LOC128125817: variants seen among roughly 807,000 people sequenced by gnomAD.
At chr1:41,591,311 C>T in the LOC128125817 span, among the ~76,000 whole-genome samples, 1 of 152,132 alleles carries the variant, frequency 6.6e-6, no homozygotes, top group Non-Finnish European at 1.5e-5. Context: ...CAGTGTCACA[C>T]TGACCCACCA....
the LOC128125817 span, chr1:41,585,411 C>T: frequency 1.3e-5 from 5 of 398,430 alleles, no homozygotes; most frequent in African/African-American, 1.0e-4. Flanking sequence ...GCAGCCCAGA[C>T]TCGGTGCCAC....
chr1:41,605,342 T>A, the LOC128125817 span, among the ~76,000 whole-genome samples: 1 of 148,658 alleles, frequency 6.7e-6, no homozygotes, highest in African/African-American at 2.5e-5. Context: ...CTTGATGTGG[T>A]TACATAGATA....
chr1:41,611,748 C>G, the LOC128125817 span, among the ~76,000 whole-genome samples: 3 of 152,216 alleles, frequency 2.0e-5, no homozygotes, highest in Non-Finnish European at 4.4e-5. Context: ...TCCTGGGCAA[C>G]CAGGCAAGTC....
chr1:41,593,234 G>A, the LOC128125817 span, among the ~76,000 whole-genome samples: 1 of 152,112 alleles, frequency 6.6e-6, no homozygotes, highest in African/African-American at 2.4e-5. Flanking sequence ...GTCCCCACAT[G>A]CCCCTCCCCA....
chr1:41,615,361 G>T, the LOC128125817 span, among the ~76,000 whole-genome samples: 2 of 152,234 alleles, frequency 1.3e-5, no homozygotes, highest in African/African-American at 4.8e-5. Flanking sequence ...ATGCACTGGG[G>T]CTGCCCCCCA....
the LOC128125817 span, among the ~76,000 whole-genome samples, chr1:41,589,403 G>A: frequency 1.3e-5 from 2 of 152,248 alleles, no homozygotes; most frequent in African/African-American, 2.4e-5. Flanking sequence ...CAATAGGAAG[G>A]AGATCGGGAC....
chr1:41,599,756 T>C, the LOC128125817 span, among the ~76,000 whole-genome samples: 1 of 152,182 alleles, frequency 6.6e-6, no homozygotes, highest in Non-Finnish European at 1.5e-5. Context: ...TAAAATCTTC[T>C]ATGCGTGAAA....
At chr1:41,611,689 T>C in the LOC128125817 span, among the ~76,000 whole-genome samples, 3,622 of 152,324 alleles carry the variant, frequency 0.024, 143 homozygotes, top group African/African-American at 0.083. Context: ...AAAACTCGAA[T>C]GTTGTTCAGG....
At chr1:41,627,479 C>A in the LOC128125817 span, among the ~76,000 whole-genome samples, 1 of 152,108 alleles carries the variant, frequency 6.6e-6, no homozygotes. Flanking sequence ...GGGAACGATT[C>A]CTTTACCTCC....
At chr1:41,616,612 T>G in the LOC128125817 span, among the ~76,000 whole-genome samples, 1 of 133,528 alleles carries the variant, frequency 7.5e-6, no homozygotes, top group Non-Finnish European at 1.6e-5. Context: ...GTGGGGAAGA[T>G]GGGGAGCCTT....
the LOC128125817 span, among the ~76,000 whole-genome samples, chr1:41,616,142 T>C: frequency 6.6e-6 from 1 of 152,076 alleles, no homozygotes; most frequent in East Asian, 1.9e-4. Flanking sequence ...AGCATCATTG[T>C]ACCTGACCAA....
the LOC128125817 span, among the ~76,000 whole-genome samples, chr1:41,603,271 T>C: frequency 6.6e-6 from 1 of 152,158 alleles, no homozygotes; most frequent in Non-Finnish European, 1.5e-5. Context: ...TTTCACCATG[T>C]TGGCCAGGCT....
chr1:41,589,845 C>T, the LOC128125817 span, among the ~76,000 whole-genome samples: 1 of 152,146 alleles, frequency 6.6e-6, no homozygotes, highest in African/African-American at 2.4e-5. Flanking sequence ...TCCCAACATG[C>T]CAAAATCTGG....
chr1:41,625,896 CTG>C, the LOC128125817 span, among the ~76,000 whole-genome samples: 1 of 152,042 alleles, frequency 6.6e-6, no homozygotes, highest in Non-Finnish European at 1.5e-5. Context: ...TCATTTTAAC[CTG>C]TTTTATATAT....
the LOC128125817 span, among the ~76,000 whole-genome samples, chr1:41,599,074 C>T: frequency 6.6e-6 from 1 of 152,140 alleles, no homozygotes; most frequent in Non-Finnish European, 1.5e-5. Context: ...ACCTTGGCCT[C>T]CCAAAGTGTT....
chr1:41,625,074 A>T, the LOC128125817 span, among the ~76,000 whole-genome samples: 1 of 149,012 alleles, frequency 6.7e-6, no homozygotes, highest in Non-Finnish European at 1.5e-5. Context: ...GAGGCAGGAA[A>T]ATAGCTTGAA....
chr1:41,585,359 C>T, the LOC128125817 span: 1 of 398,886 alleles, frequency 2.5e-6, no homozygotes, highest in Non-Finnish European at 4.4e-6. Context: ...TACACACACA[C>T]AAAAGAGAAG....
At chr1:41,605,373 G>GCA in the LOC128125817 span, among the ~76,000 whole-genome samples, 2,151 of 106,756 alleles carry the variant, frequency 0.02, 42 homozygotes, top group African/African-American at 0.077. Flanking sequence ...ACACGCACAC[G>GCA]CGCACACACA....
the LOC128125817 span, among the ~76,000 whole-genome samples, chr1:41,590,589 C>T: frequency 6.6e-6 from 1 of 152,178 alleles, no homozygotes; most frequent in Non-Finnish European, 1.5e-5. Context: ...AGCCACCTGC[C>T]CCTGAGAGAG....
Sources: allele counts gnomAD v4.1 joint callset (sites outside exome capture counted in the v4.1 genomes callset), GRCh38; gene constraint gnomAD v4.1.1; transcripts MANE v1.5.